Variants in ARHGAP35 observed in about 807,000 individuals in gnomAD.
ARHGAP35 encodes the protein Rho GTPase activating protein 35.
Under a neutral mutation model 111.1 loss-of-function variants are expected in ARHGAP35, and 15 were observed. The observed-to-expected ratio is 0.13, with a 90% CI of 0.09 to 0.21. The LOEUF (loss-of-function observed/expected upper bound fraction) is 0.21. Among genes scored for constraint, ARHGAP35 ranks in the 10% least tolerant of loss-of-function variants. The probability of loss-of-function intolerance (pLI) is 1.00; values close to 1 mark genes in which losing one functional copy is unlikely to be tolerated. For synonymous variants in ARHGAP35, 643 were observed against 710.3 expected, an observed-to-expected ratio of 0.91 and a Z score of 1.51; for missense variants, 1,262 against 1,873.0, an observed-to-expected ratio of 0.67 and a Z score of 6.02.
chr19:46,939,321 T>C (rs1358750128), intron 3 of ARHGAP35, among the ~76,000 whole-genome samples: 1 of 151,886 alleles, frequency 6.6e-6, no homozygotes, highest in African/African-American at 2.4e-5. Flanking sequence ...TTTCCTCCTT[T>C]ATCTGTCTCT....
chr19:46,989,456 T>C lies in ARHGAP35; in HGVS notation c.3905-88T>C. On this transcript the variant is annotated intron_variant, in intron 4 of 6. Coordinates refer to ENST00000672722, the MANE Select transcript of ARHGAP35 (RefSeq NM_004491.5). The surrounding 1 kb of genome is among the most constrained non-coding windows in gnomAD (Gnocchi z 5.3). ...GAGGCCGTCTCTGGCTCCTTGAGGT[T>C]TCTCTAGCCTCTCCTGAGCCCCGAG... is the stretch of plus-strand genomic sequence containing the variant. 6.5e-7 allele frequency: 1 copy of C among 1,546,724 alleles called. No individual in the cohort carries two copies. The highest frequency in any genetic ancestry group is 8.8e-7 in the Non-Finnish European group (1 of 1,137,128).
chr19:46,934,741 C>G (rs944712845), intron 2 of ARHGAP35, among the ~76,000 whole-genome samples: 5 of 152,190 alleles, frequency 3.3e-5, no homozygotes, highest in Non-Finnish European at 7.3e-5. Flanking sequence ...ACGATCTCAG[C>G]TCACTACAGC....
intron 1 of ARHGAP35, among the ~76,000 whole-genome samples, chr19:46,912,346 T>C (rs2056141558): frequency 1.3e-5 from 2 of 148,584 alleles, no homozygotes; most frequent in Non-Finnish European, 3.0e-5. Flanking sequence ...GCCCGGCCAG[T>C]GTTCTCTTCC....
At chr19:46,933,137 C>CTTTTTTTTTT (rs1174653724) in intron 2 of ARHGAP35, among the ~76,000 whole-genome samples, 2 of 99,544 alleles carry the variant, frequency 2.0e-5, no homozygotes, top group African/African-American at 8.3e-5. Flanking sequence ...AGTGTGCCTT[C>CTTTTTTTTTT]TTTTTTTTTT....
At position 46,945,636 on chromosome 19, in the gene ARHGAP35, G is replaced by A. The variant is rs894623988; in HGVS notation, c.3826+8228G>A. ...CAAGTGTCGTCACACCTGCCCACCC[G>A]GGACGGTCTCAGCGTTCTGGAGACA... On this transcript the variant is annotated intron_variant, in intron 3 of 6. Transcript: ENST00000672722. The surrounding 1 kb of genome is among the most constrained non-coding windows in gnomAD (Gnocchi z 4.1). Among the ~76,000 whole-genome samples the A allele has an allele frequency of 6.6e-6, 1 of 152,098 alleles. No homozygotes were observed. The highest frequency in any genetic ancestry group is 1.5e-5 in the Non-Finnish European group (1 of 68,012).
Position 47,001,269 on chromosome 19 carries a change from G to A in ARHGAP35, c.*581G>A, listed in dbSNP as rs1438875644. 2 of 1,290,016 alleles carry A rather than the reference G, an allele frequency of 1.6e-6. No homozygotes were observed. The highest frequency in any genetic ancestry group is 5.5e-5 in the East Asian group (1 of 18,050). The allele number at this position is 1,290,016 out of a possible 1,614,324, so 79.9% of individuals were successfully genotyped here. Reference sequence around the variant, plus strand: ...GGCTCTGCAGATCAGAACAACGGAGGATAGCTTTGTGCCTGGACCCAGAGA... The same window carrying A: ...GGCTCTGCAGATCAGAACAACGGAGAATAGCTTTGTGCCTGGACCCAGAGA... On this transcript the variant is annotated 3_prime_UTR_variant, in exon 7 of 7. Transcript: ENST00000672722. This position sits in a 1 kb window ranked among gnomAD's most constrained non-coding sequence, Gnocchi z 5.4.
At position 46,894,824 on chromosome 19, in the gene ARHGAP35, G is replaced by A. The variant is rs185460148; in HGVS notation, c.-188-23664G>A. 1.2e-3 allele frequency among the ~76,000 whole-genome samples: 181 copies of A among 152,214 alleles called. 2 individuals carry two copies. The highest frequency in any genetic ancestry group is 1.9e-3 in the Non-Finnish European group (127 of 68,000). On this transcript the variant is annotated intron_variant, in intron 1 of 6. Coordinates refer to ENST00000672722, the MANE Select transcript of ARHGAP35 (RefSeq NM_004491.5). ...TGTCTTACTCTGCCGTTTTGTAATGGTCCTTGAGATTGAGATAATAGAGAG... is the reference window on the plus strand; with the variant it reads ...TGTCTTACTCTGCCGTTTTGTAATGATCCTTGAGATTGAGATAATAGAGAG...
chr19:46,889,926 G>T (rs112919408), intron 1 of ARHGAP35, among the ~76,000 whole-genome samples: 1 of 152,176 alleles, frequency 6.6e-6, no homozygotes, highest in Admixed American at 6.5e-5. Context: ...CTAAGCAAAG[G>T]TTATAGGAAC....
intron 1 of ARHGAP35, among the ~76,000 whole-genome samples, chr19:46,905,145 G>A (rs527859973): frequency 3.3e-5 from 5 of 152,306 alleles, no homozygotes; most frequent in Non-Finnish European, 7.3e-5. Flanking sequence ...GGCCTAGCTT[G>A]GAAATTAGAA....
chr19:46,866,334 CG>C (rs1369786263), intron 1 of ARHGAP35, among the ~76,000 whole-genome samples: 3 of 152,138 alleles, frequency 2.0e-5, no homozygotes, highest in Non-Finnish European at 4.4e-5. Flanking sequence ...AAAATCAGCG[CG>C]TAGTCTAGCC....
chr19:46,876,594 A>G (rs1409157707), intron 1 of ARHGAP35, among the ~76,000 whole-genome samples: 2 of 151,908 alleles, frequency 1.3e-5, no homozygotes, highest in African/African-American at 2.4e-5. Flanking sequence ...GCTGGTCTCG[A>G]ACTCCTGACC....
chr19:46,995,779 C>T lies in ARHGAP35; in HGVS notation c.4037-3525C>T, dbSNP rs147718151. Reference sequence around the variant, plus strand: ...CCATGTGAAGAGGCTGCAGCTGGAGCCTAGAGTAGGTCCCTCCCCAGAGAG... The same window carrying T: ...CCATGTGAAGAGGCTGCAGCTGGAGTCTAGAGTAGGTCCCTCCCCAGAGAG... On this transcript the variant is annotated intron_variant, in intron 5 of 6. Transcript: ENST00000672722. Among the ~76,000 whole-genome samples the T allele has an allele frequency of 7.2e-5, 11 of 152,370 alleles. No homozygotes were observed. The East Asian group carries it at 1.9e-3, about 27-fold the overall frequency.
intron 1 of ARHGAP35, among the ~76,000 whole-genome samples, chr19:46,865,192 C>G (rs1432875520): frequency 2.0e-5 from 3 of 152,120 alleles, no homozygotes; most frequent in Non-Finnish European, 4.4e-5. Flanking sequence ...GTTAATATGC[C>G]ATTTGGAGTG....
chr19:46,989,718 G>A lies in ARHGAP35; in HGVS notation c.4036+43G>A. ...AGTGTTGGGCGGATTGAGGGAGAAAGGGCTTGGCACTGGAAGAATAGGTCC... is the reference window on the plus strand; with the variant it reads ...AGTGTTGGGCGGATTGAGGGAGAAAAGGCTTGGCACTGGAAGAATAGGTCC... On this transcript the variant is annotated intron_variant, in intron 5 of 6. Coordinates refer to ENST00000672722, the MANE Select transcript of ARHGAP35 (RefSeq NM_004491.5). The surrounding 1 kb of genome is among the most constrained non-coding windows in gnomAD (Gnocchi z 5.3). The A allele has an allele frequency of 1.2e-6, 2 of 1,611,430 alleles. No homozygotes were observed. Among genetic ancestry groups the A allele is most frequent in the Middle Eastern group, 1.7e-4 (1 of 6,048 alleles).
At chr19:46,915,929 CTTTTTTT>C (rs869240851) in intron 1 of ARHGAP35, among the ~76,000 whole-genome samples, 112 of 113,570 alleles carry the variant, frequency 9.9e-4, no homozygotes, top group Non-Finnish European at 1.5e-3. Context: ...AATCCAAACT[CTTTTTTT>C]TTTTTTTTTT....
At chr19:46,961,987 AGGAAG>A (rs1599849640) in intron 3 of ARHGAP35, among the ~76,000 whole-genome samples, 1 of 151,902 alleles carries the variant, frequency 6.6e-6, no homozygotes, top group Non-Finnish European at 1.5e-5. Flanking sequence ...AAAGGAAGGA[AGGAAG>A]GGAAGGGAAG....
chr19:46,940,273 C>T (rs1033458177), intron 3 of ARHGAP35, among the ~76,000 whole-genome samples: 1 of 151,454 alleles, frequency 6.6e-6, no homozygotes, highest in Admixed American at 6.6e-5. Context: ...GCAGGAGAAT[C>T]GCTTGAACCT....
At position 46,999,449 on chromosome 19, in the gene ARHGAP35, A is replaced by C; in HGVS notation, c.4142+40A>C. 6.1e-6 allele frequency: 8 copies of C among 1,305,876 alleles called. No individual in the cohort carries two copies. The highest frequency in any genetic ancestry group is 8.7e-6 in the Non-Finnish European group (8 of 923,616). The allele number at this position is 1,305,876 out of a possible 1,614,324, so 80.9% of individuals were successfully genotyped here. A position where few individuals can be genotyped will look rare whatever the true frequency, so the allele number is the denominator to read the frequency against. On this transcript the variant is annotated intron_variant, in intron 6 of 6. Transcript: ENST00000672722. This position sits in a 1 kb window ranked among gnomAD's most constrained non-coding sequence, Gnocchi z 5.4. Reference sequence around the variant, plus strand: ...CTTCTGGTTGGTTTTTCCTCCTGAAAATTGACAGCCAGGGTCAGTGTGTCG... The same window carrying C: ...CTTCTGGTTGGTTTTTCCTCCTGAACATTGACAGCCAGGGTCAGTGTGTCG...
Position 46,999,260 on chromosome 19 carries a change from G to C in ARHGAP35, c.4037-44G>C, listed in dbSNP as rs1300969588. ...AGAGCACGCCCTGGGGTGGCCACCAGCCTCGGCCATGAAAGGCAAGGCTTT... is the reference window on the plus strand; with the variant it reads ...AGAGCACGCCCTGGGGTGGCCACCACCCTCGGCCATGAAAGGCAAGGCTTT... On this transcript the variant is annotated intron_variant, in intron 5 of 6. Transcript: ENST00000672722. This position sits in a 1 kb window ranked among gnomAD's most constrained non-coding sequence, Gnocchi z 5.4. 2.1e-6 allele frequency: 3 copies of C among 1,440,050 alleles called. No individual in the cohort carries two copies. The highest frequency in any genetic ancestry group is 2.0e-5 in the Admixed American group (1 of 50,768). 89.2% of individuals were successfully genotyped at this position (1,440,050 alleles called of 1,614,324 possible). A position where few individuals can be genotyped will look rare whatever the true frequency, so the allele number is the denominator to read the frequency against.
Sources: allele counts gnomAD v4.1 joint callset (sites outside exome capture counted in the v4.1 genomes callset), GRCh38; gene constraint gnomAD v4.1.1; non-coding constraint Gnocchi (gnomAD v3.1); transcripts MANE v1.5; gene names NCBI Gene and HGNC (gene_info 2026-07-23, HGNC 2026-07-21).